The following COL5A2 variants were observed in gnomAD, a reference collection of about 807,000 sequenced individuals.
COL5A2 encodes the protein collagen alpha-2(V) chain.
A neutral mutation model predicts 208.2 loss-of-function variants in COL5A2; 23 were observed. The observed-to-expected ratio is 0.11, with a 90% CI of 0.08 to 0.16. The LOEUF (loss-of-function observed/expected upper bound fraction) is 0.16. COL5A2 is among the 10% of genes least tolerant of loss of function. The pLI, the probability that COL5A2 is intolerant of heterozygous loss-of-function variation, is 1.00. For missense variants in COL5A2, 1,590 were observed against 1,956.4 expected (o/e 0.81, Z 3.53); for synonymous variants, 625 against 628.5 (o/e 0.99, Z 0.08).
chr2:189,280,070 G>A, the COL5A2 span, among the ~76,000 whole-genome samples: 1 of 151,986 alleles, frequency 6.6e-6, no homozygotes, highest in African/African-American at 2.4e-5. Context: ...GAACCAAGAA[G>A]GAGACCCTCA....
At chr2:189,414,283 G>A in the COL5A2 span, among the ~76,000 whole-genome samples, 1 of 152,132 alleles carries the variant, frequency 6.6e-6, no homozygotes, top group Non-Finnish European at 1.5e-5. Flanking sequence ...AAGAAATACT[G>A]TAAAAATTCA....
chr2:189,034,283 C>T (rs1446682144), intron 53 of COL5A2, 67 bp from the exon 54 acceptor site: 43 of 1,538,610 alleles, frequency 2.8e-5, no homozygotes, highest in Non-Finnish European at 3.6e-5. Context: ...AGACAGCAAC[C>T]TTCCCAGACA....
intron 1 of COL5A2, among the ~76,000 whole-genome samples, chr2:189,188,578 A>T (rs1688883315): frequency 1.3e-5 from 2 of 152,356 alleles, no homozygotes; most frequent in South Asian, 4.1e-4. Flanking sequence ...TCCATGAGTC[A>T]AGGCTTCCCC....
the COL5A2 span, among the ~76,000 whole-genome samples, chr2:189,277,422 G>C: frequency 5.3e-5 from 8 of 152,196 alleles, no homozygotes; most frequent in South Asian, 1.7e-3. Flanking sequence ...CGCAAAGGCT[G>C]GGTTAATTAT....
the COL5A2 span, among the ~76,000 whole-genome samples, chr2:189,276,771 C>T: frequency 6.6e-6 from 1 of 152,010 alleles, no homozygotes; most frequent in Non-Finnish European, 1.5e-5. Flanking sequence ...GATTTATTTT[C>T]TCTTTTGCAA....
At chr2:189,187,119 G>A (rs1207154786) in intron 1 of COL5A2, among the ~76,000 whole-genome samples, 1 of 152,106 alleles carries the variant, frequency 6.6e-6, no homozygotes, top group Non-Finnish European at 1.5e-5. Context: ...GGCTTGTGTA[G>A]CACTCTTCTC....
At chr2:189,318,117 G>C in the COL5A2 span, among the ~76,000 whole-genome samples, 3 of 152,146 alleles carry the variant, frequency 2.0e-5, no homozygotes, top group African/African-American at 7.2e-5. Flanking sequence ...TCTAAACTCT[G>C]TATCTGACCC....
chr2:189,161,889 A>G (rs1688371685), intron 1 of COL5A2, among the ~76,000 whole-genome samples: 1 of 152,264 alleles, frequency 6.6e-6, no homozygotes, highest in Non-Finnish European at 1.5e-5. Context: ...CTTTTAGAGA[A>G]AAGAGAAAAA....
At chr2:189,252,880 A>G in the COL5A2 span, among the ~76,000 whole-genome samples, 12 of 152,314 alleles carry the variant, frequency 7.9e-5, 1 homozygote, top group South Asian at 2.5e-3. Flanking sequence ...GAAGTTTGAG[A>G]AAGGAAGAAT....
At chr2:189,100,226 G>A (rs1276683804) in intron 3 of COL5A2, 87 bp from the exon 4 acceptor site, 40 of 977,398 alleles carry the variant, frequency 4.1e-5, no homozygotes, top group Admixed American at 1.9e-5. Flanking sequence ...AATATGCCAT[G>A]TAAACACAGG....
At chr2:189,104,200 C>T in intron 3 of COL5A2, 64 bp downstream of exon 3, 1 of 1,161,446 alleles carries the variant, frequency 8.6e-7, no homozygotes, top group Non-Finnish European at 1.3e-6. Flanking sequence ...GAGCACAGTT[C>T]TGTGTGGATA....
chr2:189,321,765 C>T, the COL5A2 span, among the ~76,000 whole-genome samples: 1 of 152,182 alleles, frequency 6.6e-6, no homozygotes, highest in African/African-American at 2.4e-5. Flanking sequence ...TTAGACAGAT[C>T]AATGAGACAG....
chr2:189,171,853 C>A (rs1030574074), intron 1 of COL5A2, among the ~76,000 whole-genome samples: 4 of 152,054 alleles, frequency 2.6e-5, no homozygotes, highest in African/African-American at 9.7e-5. Context: ...TGAACTAAAT[C>A]TTGTAAGAAA....
At chr2:189,199,163 T>C (rs973905128) in intron 1 of COL5A2, among the ~76,000 whole-genome samples, 9 of 152,322 alleles carry the variant, frequency 5.9e-5, no homozygotes, top group South Asian at 2.1e-4. Context: ...GTGAGCTGGA[T>C]TCCCATAAAT....
At chr2:189,291,866 T>C in the COL5A2 span, among the ~76,000 whole-genome samples, 1 of 152,178 alleles carries the variant, frequency 6.6e-6, no homozygotes, top group Non-Finnish European at 1.5e-5. Flanking sequence ...ACTGAAAATG[T>C]ATTAATTTAG....
the COL5A2 span, among the ~76,000 whole-genome samples, chr2:189,330,599 C>A: frequency 2.0e-5 from 3 of 152,204 alleles, no homozygotes; most frequent in South Asian, 4.1e-4. Flanking sequence ...AATCTCTGTC[C>A]GTTGAGAAAT....
chr2:189,202,481 G>A (rs1022405239), intron 1 of COL5A2, among the ~76,000 whole-genome samples: 2 of 152,152 alleles, frequency 1.3e-5, no homozygotes, highest in African/African-American at 4.8e-5. Context: ...ACTTAGTGAA[G>A]AAGCAGTAAG....
intron 17 of COL5A2, 25 bp from the exon 18 acceptor site, chr2:189,072,118 A>G: frequency 6.4e-7 from 1 of 1,555,588 alleles, no homozygotes; most frequent in Non-Finnish European, 8.9e-7. Context: ...CAGAAAAGTA[A>G]TCAGACATGT....
intron 7 of COL5A2, among the ~76,000 whole-genome samples, chr2:189,090,337 T>C (rs905807093): frequency 3.3e-5 from 5 of 152,112 alleles, no homozygotes; most frequent in Admixed American, 2.6e-4. Flanking sequence ...AGAAGAAAAG[T>C]TGGAAGCTAG....
Sources: gnomAD v4.1 joint callset for allele counts (sites outside exome capture counted in the v4.1 genomes callset) on GRCh38, gnomAD v4.1.1 for gene constraint, MANE v1.5 for transcripts, NCBI Gene and HGNC (gene_info 2026-07-23, HGNC 2026-07-21) for gene names.